RBPMS: variants seen among roughly 807,000 people sequenced by gnomAD.
RBPMS encodes RNA-binding protein with multiple splicing.
RBPMS carries 7 observed loss-of-function variants against 26.8 expected under a neutral mutation model. The observed-to-expected ratio is 0.26, with a 90% confidence interval of 0.15 to 0.49. The LOEUF is 0.49. RBPMS is among the 20% of genes least tolerant of loss of function. The pLI, the probability that RBPMS is intolerant of heterozygous loss-of-function variation, is 0.98. For synonymous variants in RBPMS, 96 were observed against 93.3 expected (o/e 1.03, Z -0.17); for missense variants, 186 against 250.0 (o/e 0.74, Z 1.73).
chr8:30,443,761 C>A (rs944664314), intron 1 of RBPMS, among the ~76,000 whole-genome samples: 1 of 150,744 alleles, frequency 6.6e-6, no homozygotes, highest in South Asian at 2.1e-4. Flanking sequence ...CCACGTCCAG[C>A]GAATTTTTGT....
At chr8:30,436,047 G>A (rs1252909189) in intron 1 of RBPMS, among the ~76,000 whole-genome samples, 1 of 152,216 alleles carries the variant, frequency 6.6e-6, no homozygotes, top group African/African-American at 2.4e-5. Context: ...AGTACAGGGA[G>A]ACAACAACAA....
intron 1 of RBPMS, among the ~76,000 whole-genome samples, chr8:30,393,270 G>T (rs1808005633): frequency 6.6e-6 from 1 of 151,760 alleles, no homozygotes; most frequent in Non-Finnish European, 1.5e-5. Flanking sequence ...CAAAACTCAG[G>T]AACCTGTTTA....
At chr8:30,554,268 T>C (rs1414677772) in intron 6 of RBPMS, among the ~76,000 whole-genome samples, 1 of 152,128 alleles carries the variant, frequency 6.6e-6, no homozygotes, top group Non-Finnish European at 1.5e-5. Flanking sequence ...AGCATGCAAA[T>C]GGCACAGCCC....
intron 4 of RBPMS, among the ~76,000 whole-genome samples, chr8:30,501,559 C>CTGG (rs1820559898): frequency 6.6e-6 from 1 of 152,114 alleles, no homozygotes; most frequent in Non-Finnish European, 1.5e-5. Context: ...TGTCCAGTAG[C>CTGG]CAGTCAGATT....
intron 1 of RBPMS, among the ~76,000 whole-genome samples, chr8:30,392,755 T>G: frequency 6.6e-6 from 1 of 152,146 alleles, no homozygotes; most frequent in East Asian, 1.9e-4. Flanking sequence ...GCCTTTTGGG[T>G]TTCTCCTTCG....
Position 30,549,546 on chromosome 8 carries a change from C to A in RBPMS, c.528+4922C>A, listed in dbSNP as rs376566256. On this transcript the variant is annotated intron_variant, in intron 6 of 8. Transcript: ENST00000397323. The stretch of plus-strand genomic sequence containing the variant: ...AGGAGAAGCCACCCCTTGAGCGCTC[C>A]GTCTCCTGATAGTGCCAGCCTGGCC... 1.9e-6 allele frequency: 3 copies of A among 1,614,132 alleles called. No individual in the cohort carries two copies. Among genetic ancestry groups the A allele is most frequent in the Non-Finnish European group, 2.5e-6 (3 of 1,179,974 alleles).
At position 30,496,313 on chromosome 8, in the gene RBPMS, C is replaced by T. The variant is rs577202819; in HGVS notation, c.247-7973C>T. On this transcript the variant is annotated intron_variant, in intron 4 of 8. Transcript: ENST00000397323. ...CCTCCCAAGTATCTGGGACTACAGG[C>T]GTCCGCCACCACGCCCGGCTAATTT... is the stretch of plus-strand genomic sequence containing the variant. Among the ~76,000 whole-genome samples the T allele has an allele frequency of 1.1e-4, 16 of 152,158 alleles. 1 individual carries two copies. The South Asian group carries it at 2.7e-3, about 26-fold the overall frequency.
chr8:30,556,406 A>C (rs1028661900), intron 6 of RBPMS: 6 of 985,678 alleles, frequency 6.1e-6, no homozygotes, highest in Non-Finnish European at 7.2e-6. Context: ...TGTGTGCGAG[A>C]GCTGGTCAGA....
intron 5 of RBPMS, among the ~76,000 whole-genome samples, chr8:30,517,189 CGT>C (rs56327512): frequency 0.21 from 27,304 of 131,902 alleles, 2,843 homozygotes; most frequent in Admixed American, 0.25. Flanking sequence ...GCCAAGACCC[CGT>C]GTGTGTGTGT....
intron 4 of RBPMS, among the ~76,000 whole-genome samples, chr8:30,503,975 A>G (rs1013869490): frequency 2.0e-5 from 3 of 152,192 alleles, no homozygotes; most frequent in African/African-American, 7.2e-5. Context: ...TGAAATTACT[A>G]TATATTAAAG....
intron 6 of RBPMS, chr8:30,547,368 ATG>A (rs1825956762): frequency 6.2e-7 from 1 of 1,613,760 alleles, no homozygotes. Flanking sequence ...GTCTCTGGGA[ATG>A]TGTTTGTAAC....
intron 1 of RBPMS, among the ~76,000 whole-genome samples, chr8:30,471,770 C>T (rs879846725): frequency 1.5e-4 from 23 of 152,178 alleles, no homozygotes; most frequent in Admixed American, 3.3e-4. Flanking sequence ...GTATCTTTGA[C>T]ACTTGTCAGC....
At chr8:30,500,824 C>G (rs1820482402) in intron 4 of RBPMS, among the ~76,000 whole-genome samples, 1 of 152,150 alleles carries the variant, frequency 6.6e-6, no homozygotes, top group African/African-American at 2.4e-5. Context: ...GAGTACCCTT[C>G]CCAAAGAAGA....
chr8:30,412,037 C>G (rs926979299), intron 1 of RBPMS, among the ~76,000 whole-genome samples: 1 of 152,016 alleles, frequency 6.6e-6, no homozygotes, highest in East Asian at 1.9e-4. Flanking sequence ...TGTTTCTCCT[C>G]CTTTCTGTCC....
chr8:30,437,350 G>C (rs1031791897), intron 1 of RBPMS, among the ~76,000 whole-genome samples: 2 of 151,862 alleles, frequency 1.3e-5, no homozygotes, highest in Non-Finnish European at 2.9e-5. Context: ...CTCTTTGAAG[G>C]CTTTTTTAAA....
intron 6 of RBPMS, chr8:30,552,245 GC>G (rs1487269251): frequency 3.3e-5 from 5 of 152,182 alleles, no homozygotes; most frequent in Non-Finnish European, 7.3e-5. Context: ...GCACCCAGAT[GC>G]CGTCCGGAAA....
chr8:30,558,809 T>G (rs1304161768), intron 6 of RBPMS, 78 bp from the exon 7 acceptor site: 3 of 1,224,188 alleles, frequency 2.5e-6, no homozygotes, highest in Non-Finnish European at 3.6e-6. Context: ...AGGGAAGTGG[T>G]AGCCAAGCAG....
intron 1 of RBPMS, among the ~76,000 whole-genome samples, chr8:30,431,342 TC>T (rs1424663002): frequency 1.5e-4 from 18 of 121,382 alleles, no homozygotes; most frequent in African/African-American, 5.4e-4. Flanking sequence ...TTCTTTCTTT[TC>T]TTTTTTTTTC....
chr8:30,559,066 C>T, intron 7 of RBPMS, 110 bp downstream of exon 7: 1 of 859,938 alleles, frequency 1.2e-6, no homozygotes, highest in Non-Finnish European at 1.9e-6. Flanking sequence ...ACACCTTATG[C>T]ACCTCCTTTG....
Sources: gnomAD v4.1 joint callset for allele counts (sites outside exome capture counted in the v4.1 genomes callset) on GRCh38, gnomAD v4.1.1 for gene constraint, MANE v1.5 for transcripts, NCBI Gene and HGNC (gene_info 2026-07-23, HGNC 2026-07-21) for gene names.